Variants in FIP1L1 observed in about 807,000 individuals in gnomAD.
The protein encoded by FIP1L1 is pre-mRNA 3'-end-processing factor FIP1.
FIP1L1 carries 21 observed loss-of-function variants against 84.6 expected under a neutral mutation model. The observed-to-expected ratio is 0.25, with a 90% CI of 0.18 to 0.36. The LOEUF is 0.36. FIP1L1 is among the 10% of genes least tolerant of loss of function. The pLI is 1.00. For missense variants in FIP1L1, 526 were observed against 751.1 expected (o/e 0.70, Z 3.50); for synonymous variants, 263 against 242.3 (o/e 1.09, Z -0.80).
intron 13 of FIP1L1, among the ~76,000 whole-genome samples, chr4:53,430,469 GTAGCTGGTACTACAGGCGTGTGC>G (rs1476260516): frequency 1.3e-5 from 2 of 149,358 alleles, no homozygotes; most frequent in African/African-American, 4.9e-5. Context: ...CTGCCTCAGA[GTAGCTGGTACTACAGGCGTGTGC>G]CACCATACCC....
At position 53,441,172 on chromosome 4, in the gene FIP1L1, T is replaced by C. The variant is rs115569000; in HGVS notation, c.1175-1481T>C. Among the ~76,000 whole-genome samples, 1,339 of 152,058 alleles carry C rather than the reference T, an allele frequency of 8.8e-3. 22 individuals are homozygous for C. Among genetic ancestry groups the C allele is most frequent in the African/African-American group, 0.03 (1,262 of 41,532 alleles). ...TTTTATTTATTTATTTATTTATTTA[T>C]TTTTACATTTTTGTCAGTTATTTCT... On this transcript the variant is annotated intron_variant, in intron 13 of 17. Transcript: ENST00000337488.
At chr4:53,390,138 C>A (rs1038615396) in intron 6 of FIP1L1, among the ~76,000 whole-genome samples, 5 of 152,140 alleles carry the variant, frequency 3.3e-5, no homozygotes, top group African/African-American at 1.2e-4. Flanking sequence ...CCAGGTCTCA[C>A]CATGTTGTTC....
intron 1 of FIP1L1, 57 bp from the exon 2 acceptor site, chr4:53,379,016 A>T: frequency 6.5e-7 from 1 of 1,541,040 alleles, no homozygotes; most frequent in Admixed American, 1.9e-5. Flanking sequence ...TTTTTTCCAT[A>T]AAATAAGTAT....
chr4:53,458,817 C>T, intron 17 of FIP1L1, 27 bp downstream of exon 17: 1 of 1,600,480 alleles, frequency 6.2e-7, no homozygotes, highest in Non-Finnish European at 8.5e-7. Context: ...AATAGTGAAC[C>T]AATAGTATGT....
intron 5 of FIP1L1, among the ~76,000 whole-genome samples, chr4:53,388,449 C>T (rs1313153062): frequency 6.6e-6 from 1 of 152,084 alleles, no homozygotes; most frequent in Non-Finnish European, 1.5e-5. Flanking sequence ...ATTCTCATGC[C>T]TCAGCCTCCT....
chr4:53,451,575 C>CT (rs11371161), intron 15 of FIP1L1, among the ~76,000 whole-genome samples: 95,970 of 139,404 alleles, frequency 0.69, 32,694 homozygotes, highest in Middle Eastern at 0.72. Flanking sequence ...TATACATTTT[C>CT]TTTTTTTTTT....
intron 4 of FIP1L1, among the ~76,000 whole-genome samples, chr4:53,382,575 G>T (rs953236845): frequency 6.6e-6 from 1 of 152,210 alleles, no homozygotes; most frequent in African/African-American, 2.4e-5. Context: ...GATGTTTATT[G>T]CTTTCAAGGA....
chr4:53,454,835 A>G (rs1310162276), intron 16 of FIP1L1, among the ~76,000 whole-genome samples: 8 of 152,182 alleles, frequency 5.3e-5, no homozygotes, highest in East Asian at 3.8e-4. Flanking sequence ...CTCTCTAGCT[A>G]TGAAAGTCTT....
At position 53,446,680 on chromosome 4, in the gene FIP1L1, G is replaced by T. The variant is rs1774330125; in HGVS notation, c.1285+2577G>T. ...AGTTTGATTGTTTTACTATTTTAAT[G>T]AGACTTTCCAGTTTCTATTTTGTTA... On this transcript the variant is annotated intron_variant, in intron 15 of 17. Coordinates refer to ENST00000337488, the MANE Select transcript of FIP1L1 (RefSeq NM_030917.4). 2.0e-5 allele frequency among the ~76,000 whole-genome samples: 3 copies of T among 152,150 alleles called. No individual in the cohort carries two copies. The South Asian group carries it at 6.2e-4, about 32-fold the overall frequency.
At position 53,384,687 on chromosome 4, in the gene FIP1L1, T is replaced by G. The variant is rs74841132; in HGVS notation, c.332+811T>G. Reference sequence around the variant, plus strand: ...ACCAAGTAAATGGACTGTCATTGACTCATTGAGCGCATAAAGAATCTTACA... The same window carrying G: ...ACCAAGTAAATGGACTGTCATTGACGCATTGAGCGCATAAAGAATCTTACA... On this transcript the variant is annotated intron_variant, in intron 5 of 17. Transcript: ENST00000337488. Among the ~76,000 whole-genome samples the G allele has an allele frequency of 2.4e-4, 36 of 152,344 alleles. No homozygotes were observed. In the East Asian group the frequency reaches 6.5e-3, roughly 28 times the overall value.
At chr4:53,383,927 A>T in intron 5 of FIP1L1, 51 bp downstream of exon 5, 1 of 1,536,604 alleles carries the variant, frequency 6.5e-7, no homozygotes, top group Non-Finnish European at 8.8e-7. Context: ...TATAGTAAGG[A>T]GAGTGTGCCT....
chr4:53,389,747 ATTACTGTTTT>A, intron 5 of FIP1L1, 52 bp from the exon 6 acceptor site: 1 of 1,247,748 alleles, frequency 8.0e-7, no homozygotes, highest in Non-Finnish European at 1.2e-6. Flanking sequence ...AATGGAATAT[ATTACTGTTTT>A]GTTTAAGCTT....
chr4:53,425,687 T>C, intron 11 of FIP1L1, 185 bp from the exon 12 acceptor site: 1 of 455,656 alleles, frequency 2.2e-6, no homozygotes, highest in Non-Finnish European at 4.1e-6. Flanking sequence ...TGTTTATTAA[T>C]AAAAATTTTT....
At chr4:53,410,925 TA>T (rs1756915871) in intron 10 of FIP1L1, among the ~76,000 whole-genome samples, 2 of 152,210 alleles carry the variant, frequency 1.3e-5, no homozygotes, top group East Asian at 3.8e-4. Context: ...GGCCTTAGGA[TA>T]TATCCTCCAC....
chr4:53,429,498 G>A (rs1765650799), intron 13 of FIP1L1, among the ~76,000 whole-genome samples: 1 of 152,044 alleles, frequency 6.6e-6, no homozygotes, highest in Non-Finnish European at 1.5e-5. Context: ...TTTGTCCTCT[G>A]AAAAAGAATT....
chr4:53,378,936 T>C (rs1246321763), intron 1 of FIP1L1, 137 bp from the exon 2 acceptor site: 1 of 847,006 alleles, frequency 1.2e-6, no homozygotes, highest in Non-Finnish European at 1.8e-6. Flanking sequence ...AGGATTTCTT[T>C]TACAAAGATC....
intron 1 of FIP1L1, 29 bp downstream of exon 1, chr4:53,377,952 G>C: frequency 6.5e-7 from 1 of 1,536,404 alleles, no homozygotes; most frequent in Non-Finnish European, 8.8e-7. Flanking sequence ...CTGTCTCTCG[G>C]GTTCTCTCAG....
chr4:53,411,361 A>G (rs1471985519), intron 10 of FIP1L1, among the ~76,000 whole-genome samples: 2 of 152,222 alleles, frequency 1.3e-5, no homozygotes, highest in African/African-American at 4.8e-5. Context: ...TAAGTTGTCA[A>G]TACTGTCACT....
At chr4:53,406,056 G>GT (rs1753235564) in intron 10 of FIP1L1, among the ~76,000 whole-genome samples, 1 of 152,026 alleles carries the variant, frequency 6.6e-6, no homozygotes, top group Non-Finnish European at 1.5e-5. Context: ...TTGAATAGGA[G>GT]TGGTGAGAGA....
Sources: allele counts gnomAD v4.1 joint callset (sites outside exome capture counted in the v4.1 genomes callset), GRCh38; gene constraint gnomAD v4.1.1; transcripts MANE v1.5; gene names NCBI Gene and HGNC (gene_info 2026-07-23, HGNC 2026-07-21).